The following OPCML variants were observed in gnomAD, a reference collection of about 807,000 sequenced individuals.
The protein encoded by OPCML is opioid binding protein/cell adhesion molecule like, also known as opioid-binding protein/cell adhesion molecule.
Under a neutral mutation model 37.8 loss-of-function variants are expected in OPCML, and 13 were observed. That is an observed-to-expected ratio of 0.34 (90% confidence interval 0.22 to 0.55). The LOEUF (loss-of-function observed/expected upper bound fraction) is 0.55. Among genes scored for constraint, OPCML ranks in the 20% least tolerant of loss-of-function variants. OPCML has a pLI of 0.91. For synonymous variants in OPCML, 176 were observed against 168.8 expected, an observed-to-expected ratio of 1.04 and a Z score of -0.33; for missense variants, 341 against 435.6, an observed-to-expected ratio of 0.78 and a Z score of 1.93.
At chr11:133,345,035 TC>T (rs1943963877) in intron 1 of OPCML, among the ~76,000 whole-genome samples, 1 of 152,152 alleles carries the variant, frequency 6.6e-6, no homozygotes, top group African/African-American at 2.4e-5. Flanking sequence ...CCATTACCTC[TC>T]TTTAAAATCA....
At chr11:132,474,361 A>T (rs1210975078) in intron 4 of OPCML, among the ~76,000 whole-genome samples, 1 of 152,066 alleles carries the variant, frequency 6.6e-6, no homozygotes, top group East Asian at 1.9e-4. Context: ...ATTAAGAGGA[A>T]TTGGACCTCT....
intron 1 of OPCML, among the ~76,000 whole-genome samples, chr11:132,978,917 T>TGCTC (rs1946524094): frequency 6.6e-6 from 1 of 152,186 alleles, no homozygotes; most frequent in African/African-American, 2.4e-5. Context: ...AGTAGGCATC[T>TGCTC]AAAATTGAAC....
At chr11:132,746,438 C>T (rs546185177) in intron 2 of OPCML, among the ~76,000 whole-genome samples, 4 of 152,206 alleles carry the variant, frequency 2.6e-5, no homozygotes, top group East Asian at 1.9e-4. Flanking sequence ...CTCTCATCGG[C>T]GTTTATACCC....
intron 2 of OPCML, among the ~76,000 whole-genome samples, chr11:132,769,228 T>C (rs1272251912): frequency 7.0e-6 from 1 of 143,418 alleles, no homozygotes; most frequent in Non-Finnish European, 1.6e-5. Context: ...TTTTTTGTTT[T>C]TTGGTTTGTT....
At chr11:132,912,360 T>C (rs1057303355) in intron 2 of OPCML, among the ~76,000 whole-genome samples, 3 of 152,196 alleles carry the variant, frequency 2.0e-5, no homozygotes, top group African/African-American at 7.2e-5. Context: ...AGGACCAATA[T>C]ACAACTCAAT....
At chr11:133,285,161 G>A (rs577832822) in intron 1 of OPCML, among the ~76,000 whole-genome samples, 1 of 152,154 alleles carries the variant, frequency 6.6e-6, no homozygotes, top group South Asian at 2.1e-4. Context: ...AAATTAGAGG[G>A]GTGAGTCAAG....
chr11:133,026,687 A>C (rs1947561340), intron 1 of OPCML: 1 of 638,250 alleles, frequency 1.6e-6, no homozygotes, highest in African/African-American at 2.0e-5. Flanking sequence ...ACGATAAGGA[A>C]CCTGTGTTTA....
intron 1 of OPCML, among the ~76,000 whole-genome samples, chr11:133,330,628 T>C (rs1431418123): frequency 3.4e-5 from 5 of 145,820 alleles, no homozygotes; most frequent in Non-Finnish European, 5.9e-5. Context: ...TAGGTGGGAA[T>C]TGAACAATGA....
intron 1 of OPCML, chr11:133,007,794 T>C: frequency 1.0e-6 from 1 of 985,466 alleles, no homozygotes; most frequent in Non-Finnish European, 1.2e-6. Context: ...AGCACATGTA[T>C]CATATCTCCT....
chr11:133,036,709 C>T (rs1320471823), intron 1 of OPCML, among the ~76,000 whole-genome samples: 1 of 152,154 alleles, frequency 6.6e-6, no homozygotes, highest in African/African-American at 2.4e-5. Flanking sequence ...ATATTTTGAT[C>T]TCTGAGAAAA....
intron 1 of OPCML, among the ~76,000 whole-genome samples, chr11:133,140,572 A>AGAAGAAGAAGAAGAAG (rs1565467437): frequency 4.7e-5 from 7 of 147,890 alleles, no homozygotes; most frequent in African/African-American, 1.7e-4. Flanking sequence ...AAGAAGAAGA[A>AGAAGAAGAAGAAGAAG]GAAGAAAGAA....
chr11:133,025,164 C>T (rs1947528017), intron 1 of OPCML: 1 of 525,354 alleles, frequency 1.9e-6, no homozygotes, highest in Non-Finnish European at 2.4e-6. Flanking sequence ...CAATACAACC[C>T]AATGGTAAGC....
At chr11:132,430,304 G>C (rs963551429) in intron 7 of OPCML, among the ~76,000 whole-genome samples, 3 of 152,124 alleles carry the variant, frequency 2.0e-5, no homozygotes, top group African/African-American at 7.2e-5. Context: ...GAGGAGGGAG[G>C]TGGGGGATAA....
intron 1 of OPCML, among the ~76,000 whole-genome samples, chr11:133,500,709 T>G (rs1478768765): frequency 6.6e-6 from 1 of 152,204 alleles, no homozygotes; most frequent in Admixed American, 6.5e-5. Flanking sequence ...TTCTGCTCCC[T>G]TAATTCAAGT....
intron 7 of OPCML, among the ~76,000 whole-genome samples, chr11:132,433,997 C>T (rs1014349524): frequency 1.3e-5 from 2 of 152,198 alleles, no homozygotes; most frequent in African/African-American, 4.8e-5. Flanking sequence ...TGTTATCTGC[C>T]ATGACACACC....
At chr11:132,731,111 T>C (rs1175443406) in intron 2 of OPCML, among the ~76,000 whole-genome samples, 2 of 152,224 alleles carry the variant, frequency 1.3e-5, no homozygotes, top group Non-Finnish European at 2.9e-5. Flanking sequence ...TAACCACATA[T>C]GGTTATTGGA....
In OPCML at chr11:133,274,700, A is replaced by G. The variant is rs542140817; in HGVS notation, c.61+257564T>C. Among the ~76,000 whole-genome samples the G allele has an allele frequency of 1.5e-3, 232 of 152,336 alleles. 2 individuals are homozygous for G. Among genetic ancestry groups the G allele is most frequent in the African/African-American group, 5.3e-3 (221 of 41,588 alleles). On this transcript the variant is annotated intron_variant, in intron 1 of 7. Transcript: ENST00000524381. ...GACTAAAGTGACTGCCCCAACTTCC[A>G]GGAGCACAGGGTCCAGTTGACCCTA... is the stretch of plus-strand genomic sequence containing the variant.
chr11:133,353,391 C>T (rs1944186351), intron 1 of OPCML, among the ~76,000 whole-genome samples: 1 of 152,072 alleles, frequency 6.6e-6, no homozygotes, highest in Admixed American at 6.6e-5. Flanking sequence ...AACTCCTGAC[C>T]TCAGGTGATC....
chr11:133,078,752 C>T (rs1414098798), intron 1 of OPCML, among the ~76,000 whole-genome samples: 1 of 152,136 alleles, frequency 6.6e-6, no homozygotes, highest in African/African-American at 2.4e-5. Context: ...TCCGATCAGG[C>T]ACAAGAGGGC....
Sources: allele counts gnomAD v4.1 joint callset (sites outside exome capture counted in the v4.1 genomes callset), GRCh38; gene constraint gnomAD v4.1.1; transcripts MANE v1.5; gene names NCBI Gene and HGNC (gene_info 2026-07-23, HGNC 2026-07-21).